The following ZNF385B variants were observed in gnomAD, a reference collection of about 807,000 sequenced individuals.
ZNF385B encodes zinc finger protein 533.
Under a neutral mutation model 39.2 loss-of-function variants are expected in ZNF385B, and 23 were observed. That is an observed-to-expected ratio of 0.59 (90% CI 0.42 to 0.83). The LOEUF (loss-of-function observed/expected upper bound fraction) is 0.83, where lower values mean the gene tolerates loss of function less well. ZNF385B is among the 40% of genes least tolerant of loss of function. The probability of loss-of-function intolerance (pLI) is 0.00; values close to 1 mark genes in which losing one functional copy is unlikely to be tolerated. For missense variants in ZNF385B, 552 were observed against 598.9 expected, an observed-to-expected ratio of 0.92 and a Z score of 0.82; for synonymous variants, 205 against 222.6, an observed-to-expected ratio of 0.92 and a Z score of 0.70.
Position 179,796,946 on chromosome 2 carries a change from A to G in ZNF385B, c.-154-26274T>C, listed in dbSNP as rs376350960. On this transcript the variant is annotated intron_variant, in intron 1 of 9. Coordinates refer to ENST00000410066, the MANE Select transcript of ZNF385B (RefSeq NM_152520.6). Reference sequence around the variant, plus strand: ...TAGAATTTCTTCACAGGATTCTGGTAAATTTTAAGCAAGATAATACATGTA... The same window carrying G: ...TAGAATTTCTTCACAGGATTCTGGTGAATTTTAAGCAAGATAATACATGTA... 7.9e-5 allele frequency among the ~76,000 whole-genome samples: 12 copies of G among 152,194 alleles called. No individual in the cohort carries two copies. In the East Asian group the frequency reaches 2.1e-3, roughly 27 times the overall value.
At chr2:179,834,497 T>A (rs1024385344) in intron 1 of ZNF385B, among the ~76,000 whole-genome samples, 18 of 152,322 alleles carry the variant, frequency 1.2e-4, no homozygotes, top group East Asian at 5.8e-4. Flanking sequence ...ATGACTTTTT[T>A]AAAAATTACT....
chr2:179,501,483 A>G (rs1488288997), intron 5 of ZNF385B, among the ~76,000 whole-genome samples: 2 of 152,176 alleles, frequency 1.3e-5, no homozygotes, highest in Non-Finnish European at 2.9e-5. Context: ...AGCCACAGAA[A>G]GACAAACATC....
chr2:179,666,658 A>T (rs1328240876), intron 3 of ZNF385B, among the ~76,000 whole-genome samples: 5 of 151,682 alleles, frequency 3.3e-5, no homozygotes, highest in African/African-American at 1.2e-4. Flanking sequence ...TTTTTTTGTC[A>T]AATAATCATA....
intron 3 of ZNF385B, among the ~76,000 whole-genome samples, chr2:179,670,828 C>A (rs1695887177): frequency 6.6e-6 from 1 of 152,148 alleles, no homozygotes. Flanking sequence ...TTAAATCCTC[C>A]AGAGCAAATC....
At position 179,727,518 on chromosome 2, in the gene ZNF385B, A is replaced by C. The variant is rs142281857; in HGVS notation, c.298+41985T>G. Among the ~76,000 whole-genome samples the C allele has an allele frequency of 3.0e-4, 45 of 152,198 alleles. No individual in the cohort carries two copies. In the East Asian group the frequency reaches 8.3e-3, roughly 28 times the overall value. On this transcript the variant is annotated intron_variant, in intron 3 of 9. Coordinates refer to ENST00000410066, the MANE Select transcript of ZNF385B (RefSeq NM_152520.6). Reference sequence around the variant, plus strand: ...ACATCTGCCCTTTTAAGGAGTAATCATGGGAAACAGCAACAACGTTTGCCA... The same window carrying C: ...ACATCTGCCCTTTTAAGGAGTAATCCTGGGAAACAGCAACAACGTTTGCCA...
intron 1 of ZNF385B, among the ~76,000 whole-genome samples, chr2:179,854,853 A>G (rs1208524905): frequency 2.6e-5 from 4 of 152,236 alleles, no homozygotes; most frequent in African/African-American, 4.8e-5. Context: ...ACATCACAGT[A>G]TGGAAAATAA....
At chr2:179,558,862 A>G (rs557704935) in intron 3 of ZNF385B, among the ~76,000 whole-genome samples, 1 of 152,242 alleles carries the variant, frequency 6.6e-6, no homozygotes, top group Non-Finnish European at 1.5e-5. Context: ...TTGCTGTGCA[A>G]ACAGCATGAA....
At chr2:179,687,808 T>C (rs912057076) in intron 3 of ZNF385B, among the ~76,000 whole-genome samples, 1 of 152,208 alleles carries the variant, frequency 6.6e-6, no homozygotes, top group Non-Finnish European at 1.5e-5. Context: ...ATGGGGTTTA[T>C]GTGAAAATTT....
At chr2:179,811,547 G>A (rs567851852) in intron 1 of ZNF385B, among the ~76,000 whole-genome samples, 17 of 152,180 alleles carry the variant, frequency 1.1e-4, no homozygotes, top group African/African-American at 2.9e-4. Flanking sequence ...ATAAGCAATG[G>A]GAAAAGGACT....
chr2:179,701,915 A>G (rs1319445935), intron 3 of ZNF385B, among the ~76,000 whole-genome samples: 2 of 152,250 alleles, frequency 1.3e-5, no homozygotes, highest in Non-Finnish European at 2.9e-5. Context: ...CACCAATCCA[A>G]GTATAAACTG....
At position 179,446,713 on chromosome 2, in the gene ZNF385B, C is replaced by A. The variant is rs2049528131; in HGVS notation, c.773G>T (p.Gly258Val). 1 of 1,613,918 alleles carries A rather than the reference C, an allele frequency of 6.2e-7. No homozygotes were observed. The highest frequency in any genetic ancestry group is 1.3e-5 in the African/African-American group (1 of 74,890). ...TGTGCCAGATTTGAGGAGAAATGAG[C>A]CACTTTCAGAGCTTGATGGCTGACT... ...SSSQPSSSES[G>V]SFLLKSGTTP... The change falls in exon 7 of 10, where the codon GGC (glycine) becomes GTC (valine). Residue 258 changes from glycine (G) to valine (V), a missense_variant. By Grantham distance (109) the Gly-to-Val change is moderately radical. Transcript: ENST00000410066.
intron 3 of ZNF385B, among the ~76,000 whole-genome samples, chr2:179,691,168 T>A (rs1575243783): frequency 6.6e-6 from 1 of 152,186 alleles, no homozygotes; most frequent in African/African-American, 2.4e-5. Context: ...AGGTTATTAA[T>A]CAATTAAAGT....
At chr2:179,741,402 G>A (rs1702079122) in intron 3 of ZNF385B, among the ~76,000 whole-genome samples, 1 of 152,086 alleles carries the variant, frequency 6.6e-6, no homozygotes, top group South Asian at 2.1e-4. Context: ...TAGTAAGTGA[G>A]AAAAGAGAAG....
At chr2:179,672,725 T>C (rs1361039167) in intron 3 of ZNF385B, among the ~76,000 whole-genome samples, 3 of 152,236 alleles carry the variant, frequency 2.0e-5, no homozygotes, top group African/African-American at 7.2e-5. Context: ...CTTTTTCATC[T>C]ATGATGAAGT....
At position 179,661,632 on chromosome 2, in the gene ZNF385B, T is replaced by A. The variant is rs1439123559; in HGVS notation, c.298+107871A>T. On this transcript the variant is annotated intron_variant, in intron 3 of 9. Coordinates refer to ENST00000410066, the MANE Select transcript of ZNF385B (RefSeq NM_152520.6). ...TCTACCTTATTAGGTTACCCTAACA[T>A]CTAGGATGAGGATAATATCCATTAT... 5.3e-5 allele frequency among the ~76,000 whole-genome samples: 8 copies of A among 152,354 alleles called. 1 individual carries two copies. The Middle Eastern group carries it at 0.01, about 194-fold the overall frequency.
At chr2:179,687,086 ACTTCCTTAC>A (rs1323787548) in intron 3 of ZNF385B, among the ~76,000 whole-genome samples, 1 of 151,298 alleles carries the variant, frequency 6.6e-6, no homozygotes, top group African/African-American at 2.4e-5. Context: ...AATGCAGTAT[ACTTCCTTAC>A]CTTCTACTCT....
chr2:179,654,356 A>G (rs2106256184), intron 3 of ZNF385B, among the ~76,000 whole-genome samples: 1 of 152,258 alleles, frequency 6.6e-6, no homozygotes. Flanking sequence ...AGCCAGGATG[A>G]AAACTTAGGT....
chr2:179,459,615 G>A (rs906704217), intron 6 of ZNF385B, among the ~76,000 whole-genome samples: 1 of 149,528 alleles, frequency 6.7e-6, no homozygotes, highest in Admixed American at 6.7e-5. Context: ...GTGTGTGTGT[G>A]TATGTGTGTG....
rs1007732175 is a variant in ZNF385B at position 179,810,924 on chromosome 2, A to G, written c.-154-40252T>C. 2.0e-5 allele frequency among the ~76,000 whole-genome samples: 3 copies of G among 152,142 alleles called. No homozygotes were observed. In the East Asian group the frequency reaches 5.8e-4, roughly 29 times the overall value. On this transcript the variant is annotated intron_variant, in intron 1 of 9. Coordinates refer to ENST00000410066, the MANE Select transcript of ZNF385B (RefSeq NM_152520.6). ...CTAGAAAACCCTGCAGACTCCATCA[A>G]AAGGTTCCCAGAACTGATAGATGAC... is the stretch of plus-strand genomic sequence containing the variant.
Sources: allele counts gnomAD v4.1 joint callset (sites outside exome capture counted in the v4.1 genomes callset), GRCh38; gene constraint gnomAD v4.1.1; transcripts MANE v1.5; gene names NCBI Gene and HGNC (gene_info 2026-07-23, HGNC 2026-07-21).